NELL2: variants seen among roughly 807,000 people sequenced by gnomAD.
NELL2 encodes the protein protein kinase C-binding protein NELL2.
In NELL2, 41 loss-of-function variants were observed where a neutral mutation model predicts 109.6. The observed-to-expected ratio is 0.37, with a 90% CI of 0.29 to 0.49. The LOEUF (loss-of-function observed/expected upper bound fraction) is 0.49, where lower values mean the gene tolerates loss of function less well. NELL2 is among the 20% of genes least tolerant of loss of function. The pLI, the probability that NELL2 is intolerant of heterozygous loss-of-function variation, is 0.98. For missense variants in NELL2, 900 were observed against 1,008.3 expected (o/e 0.89, Z 1.45); for synonymous variants, 355 against 344.7 (o/e 1.03, Z -0.33).
At chr12:44,834,334 C>T (rs1943979930) in intron 2 of NELL2, among the ~76,000 whole-genome samples, 1 of 151,108 alleles carries the variant, frequency 6.6e-6, no homozygotes, top group South Asian at 2.1e-4. Context: ...TCTCTTGTTT[C>T]ATAAAATATA....
At chr12:44,874,390 C>G (rs535631513) in intron 2 of NELL2, among the ~76,000 whole-genome samples, 151 of 152,276 alleles carry the variant, frequency 9.9e-4, no homozygotes, top group Non-Finnish European at 2.0e-3. Flanking sequence ...CGTTTAGCTA[C>G]CTTTTAGAAG....
intron 14 of NELL2, among the ~76,000 whole-genome samples, chr12:44,608,303 G>C (rs1945479680): frequency 6.6e-6 from 1 of 151,998 alleles, no homozygotes; most frequent in Non-Finnish European, 1.5e-5. Flanking sequence ...TGAAATTCTA[G>C]TGATGAGTTA....
At position 44,733,559 on chromosome 12, in the gene NELL2, G is replaced by A. The variant is rs559185890; in HGVS notation, c.995-18818C>T. Among the ~76,000 whole-genome samples, 14 of 152,030 alleles carry A rather than the reference G, an allele frequency of 9.2e-5. 1 individual carries two copies. The South Asian group carries it at 2.9e-3, about 32-fold the overall frequency. On this transcript the variant is annotated intron_variant, in intron 9 of 19. Coordinates refer to ENST00000429094, the MANE Select transcript of NELL2 (RefSeq NM_001145108.2). ...TGATGGTTTCCAGGCGCTAGGAGGA[G>A]AAGAAAATAAGGAGTTTCTATTCAA... is the stretch of plus-strand genomic sequence containing the variant.
At chr12:44,738,508 C>T (rs1419470850) in intron 9 of NELL2, among the ~76,000 whole-genome samples, 1 of 150,262 alleles carries the variant, frequency 6.7e-6, no homozygotes, top group East Asian at 2.0e-4. Context: ...CTGTTTGAGA[C>T]AAGATGGATG....
upstream of NELL2, among the ~76,000 whole-genome samples, chr12:44,919,124 G>C (rs940992268): frequency 3.9e-5 from 6 of 151,982 alleles, no homozygotes; most frequent in African/African-American, 1.4e-4. Context: ...CCCTTTTTGG[G>C]TATCCAGCTA....
At chr12:44,871,488 A>G (rs1592687235) in intron 2 of NELL2, among the ~76,000 whole-genome samples, 1 of 152,202 alleles carries the variant, frequency 6.6e-6, no homozygotes, top group Non-Finnish European at 1.5e-5. Flanking sequence ...AGGGTACTGG[A>G]GCTTAGAGAA....
At chr12:44,580,627 C>T (rs1339307057) in intron 15 of NELL2, among the ~76,000 whole-genome samples, 2 of 152,086 alleles carry the variant, frequency 1.3e-5, no homozygotes, top group Admixed American at 6.5e-5. Flanking sequence ...GCAGAAGAAT[C>T]GCTAGAACCC....
rs375727339 is a variant in NELL2, at chr12:44,776,167, C to A, written c.763-17G>T. 2.5e-6 allele frequency: 4 copies of A among 1,611,952 alleles called. No homozygotes were observed. The highest frequency in any genetic ancestry group is 8.5e-7 in the Non-Finnish European group (1 of 1,179,096). ...TCGAGACAGCTGTGGCACAAAAGAA[C>A]GGGTTTTACATTGTTCATCCTTCCA... On this transcript the variant is annotated splice_polypyrimidine_tract_variant and intron_variant, in intron 7 of 19. Transcript: ENST00000429094.
At chr12:44,693,082 A>C (rs1381043946) in intron 12 of NELL2, among the ~76,000 whole-genome samples, 2 of 152,146 alleles carry the variant, frequency 1.3e-5, no homozygotes, top group Non-Finnish European at 2.9e-5. Flanking sequence ...TCTCTCATGA[A>C]AGGAAGAGTC....
chr12:44,873,388 T>C (rs961571117), intron 2 of NELL2, among the ~76,000 whole-genome samples: 3 of 152,114 alleles, frequency 2.0e-5, no homozygotes, highest in Admixed American at 6.5e-5. Context: ...ATTTGACAAT[T>C]TAAATAAAAA....
chr12:44,814,388 T>C (rs1472960234), intron 3 of NELL2, among the ~76,000 whole-genome samples: 1 of 152,182 alleles, frequency 6.6e-6, no homozygotes, highest in Non-Finnish European at 1.5e-5. Context: ...GTTCTGCAAA[T>C]GAACAATCTT....
Position 44,607,252 on chromosome 12 carries a change from T to C in NELL2, c.1580A>G (p.Asp527Gly). ...NGTTCKAFCK[D>G]GCRNGGACIA... ...ACAGGCTCCTCCATTCCTACAGCCA[T>C]CTTTGCAAAATGCTAAAATAATTCA... The change falls in exon 15 of 20, where the codon GAT (aspartate) becomes GGT (glycine). Residue 527 changes from aspartate (D) to glycine (G), a missense_variant. Transcript: ENST00000429094. 6.2e-7 allele frequency: 1 copy of C among 1,612,142 alleles called. No homozygotes were observed.
At chr12:44,762,507 C>G (rs1313778777) in intron 9 of NELL2, among the ~76,000 whole-genome samples, 1 of 152,176 alleles carries the variant, frequency 6.6e-6, no homozygotes, top group African/African-American at 2.4e-5. Context: ...ACAGACCTGT[C>G]TTGCCTAAAA....
intron 15 of NELL2, among the ~76,000 whole-genome samples, chr12:44,572,244 C>T (rs997336796): frequency 9.9e-5 from 15 of 152,092 alleles, no homozygotes; most frequent in Non-Finnish European, 2.1e-4. Context: ...TGTGTCCAAG[C>T]GATTCTTCTG....
chr12:44,820,331 G>A (rs1469377995), intron 2 of NELL2, among the ~76,000 whole-genome samples: 2 of 152,170 alleles, frequency 1.3e-5, no homozygotes, highest in African/African-American at 4.8e-5. Flanking sequence ...AATCTAGGCC[G>A]GGCGCAGTGG....
intron 14 of NELL2, 56 bp downstream of exon 14, chr12:44,610,792 T>C: frequency 1.2e-6 from 2 of 1,608,510 alleles, no homozygotes; most frequent in East Asian, 2.2e-5. Flanking sequence ...TAGAGGAAGG[T>C]AGAGATGGAT....
intron 9 of NELL2, among the ~76,000 whole-genome samples, chr12:44,755,931 G>A (rs1247460062): frequency 2.6e-5 from 4 of 152,194 alleles, no homozygotes; most frequent in African/African-American, 7.2e-5. Flanking sequence ...TGTATAACCA[G>A]ATGGATGAAT....
In NELL2 at chr12:44,516,791, G is replaced by GT. The variant is rs529919655; in HGVS notation, c.2400+3213dup. 2.3e-4 allele frequency among the ~76,000 whole-genome samples: 35 copies of GT among 152,092 alleles called. 1 individual carries two copies. The South Asian group carries it at 7.3e-3, about 32-fold the overall frequency. On this transcript the variant is annotated intron_variant, in intron 19 of 19. Coordinates refer to ENST00000429094, the MANE Select transcript of NELL2 (RefSeq NM_001145108.2). The stretch of plus-strand genomic sequence containing the variant: ...GCCTTCTGAGCAGTTGGGATTATAG[G>GT]TATGAGCCTCTGCACCCAGCAGTAA...
intron 15 of NELL2, among the ~76,000 whole-genome samples, chr12:44,605,816 G>A (rs1350491295): frequency 6.6e-6 from 1 of 152,170 alleles, no homozygotes; most frequent in Non-Finnish European, 1.5e-5. Flanking sequence ...GATCAGAGGT[G>A]TTGATGTGCA....
Sources: allele counts gnomAD v4.1 joint callset (sites outside exome capture counted in the v4.1 genomes callset), GRCh38; gene constraint gnomAD v4.1.1; transcripts MANE v1.5; gene names NCBI Gene and HGNC (gene_info 2026-07-23, HGNC 2026-07-21).